The following EPB41L1 variants were observed in gnomAD, a reference collection of about 807,000 sequenced individuals.
EPB41L1 encodes erythrocyte membrane protein band 4.1 like 1, also known as band 4.1-like protein 1.
Under a neutral mutation model 97.8 loss-of-function variants are expected in EPB41L1, and 29 were observed. That is an observed-to-expected ratio of 0.30 (90% CI 0.22 to 0.40). EPB41L1 has a LOEUF of 0.40. Among genes scored for constraint, EPB41L1 ranks in the 10% least tolerant of loss-of-function variants. The probability of loss-of-function intolerance (pLI) is 1.00; values close to 1 mark genes in which losing one functional copy is unlikely to be tolerated. For missense variants in EPB41L1, 812 were observed against 1,162.3 expected, an observed-to-expected ratio of 0.70 and a Z score of 4.38; for synonymous variants, 383 against 459.2, an observed-to-expected ratio of 0.83 and a Z score of 2.12.
intron 17 of EPB41L1, 37 bp downstream of exon 17, chr20:36,214,477 C>T (rs1054327179): frequency 2.6e-6 from 4 of 1,531,480 alleles, no homozygotes; most frequent in Non-Finnish European, 2.7e-6. Flanking sequence ...CTCTGACCAG[C>T]CCCCTGCCCC....
chr20:36,141,478 A>AT (rs1324160990), intron 2 of EPB41L1, among the ~76,000 whole-genome samples: 1 of 152,150 alleles, frequency 6.6e-6, no homozygotes, highest in Non-Finnish European at 1.5e-5. Flanking sequence ...GATGGGCCCC[A>AT]TTAGTGAAAC....
At chr20:36,100,962 G>A (rs1278034795) in intron 1 of EPB41L1, among the ~76,000 whole-genome samples, 2 of 152,270 alleles carry the variant, frequency 1.3e-5, no homozygotes, top group Admixed American at 6.5e-5. Context: ...ACACTGCATC[G>A]GTATGGGGGG....
In EPB41L1 at chr20:36,206,323, G is replaced by T. The variant is rs2062803021; in HGVS notation, c.1669-3165G>T. On this transcript the variant is annotated intron_variant, in intron 14 of 21. Coordinates refer to ENST00000338074, the MANE Select transcript of EPB41L1 (RefSeq NM_012156.2). This position sits in a 1 kb window ranked among gnomAD's most constrained non-coding sequence, Gnocchi z 5.5. ...GCCTCACACTTGTGGGAGACCCACT[G>T]CTCCAGGGACCAGGCCAGCAGAGGT... 1 of 1,289,812 alleles carries T rather than the reference G, an allele frequency of 7.8e-7. No individual in the cohort carries two copies. 79.9% of individuals were successfully genotyped at this position (1,289,812 alleles called of 1,614,324 possible).
chr20:36,098,780 C>T (rs988254473), intron 1 of EPB41L1, among the ~76,000 whole-genome samples: 6 of 152,124 alleles, frequency 3.9e-5, no homozygotes, highest in African/African-American at 1.4e-4. Context: ...CTTTTAGTTC[C>T]ACAGGGCTAC....
At chr20:36,215,173 G>T (rs534984119) in intron 17 of EPB41L1, among the ~76,000 whole-genome samples, 1 of 152,070 alleles carries the variant, frequency 6.6e-6, no homozygotes, top group African/African-American at 2.4e-5. Context: ...CTGTGAGGTG[G>T]ATGCTCTTCC....
rs1362346324 is a variant in EPB41L1, at chr20:36,214,341, C to T, written c.2185-16C>T. 1.9e-6 allele frequency: 3 copies of T among 1,611,968 alleles called. No individual in the cohort carries two copies. In the South Asian group the frequency reaches 3.3e-5, roughly 18 times the overall value. ...ACCCAGCTCTCCCCAGCTCTAACGACTCCTCCTCTGGTCAGCAGGTTGATG... is the reference window on the plus strand; with the variant it reads ...ACCCAGCTCTCCCCAGCTCTAACGATTCCTCCTCTGGTCAGCAGGTTGATG... On this transcript the variant is annotated splice_polypyrimidine_tract_variant and intron_variant, in intron 16 of 21. Coordinates refer to ENST00000338074, the MANE Select transcript of EPB41L1 (RefSeq NM_012156.2).
chr20:36,180,031 C>T (rs1191855672), intron 5 of EPB41L1, among the ~76,000 whole-genome samples: 2 of 152,190 alleles, frequency 1.3e-5, no homozygotes, highest in Non-Finnish European at 2.9e-5. Context: ...GGTGGCTGGA[C>T]CAAATGGTCA....
chr20:36,106,537 G>A (rs2058197604), intron 1 of EPB41L1, among the ~76,000 whole-genome samples: 1 of 152,206 alleles, frequency 6.6e-6, no homozygotes, highest in Admixed American at 6.5e-5. Context: ...GTCAGTGAAG[G>A]ACACTGGGTA....
At position 36,092,541 on chromosome 20, in the gene EPB41L1, T is replaced by C. The variant is rs1371205420; in HGVS notation, c.-65+929T>C. On this transcript the variant is annotated intron_variant, in intron 1 of 19. Transcript: ENST00000202028. This position sits in a 1 kb window ranked among gnomAD's most constrained non-coding sequence, Gnocchi z 7.0. ...GGTGTTGGCTGCTCGCCGCCGCTGC[T>C]TGCTCGTTCGCCCGCCCGCTGCTGC... 1 of 151,566 alleles carries C rather than the reference T, an allele frequency of 6.6e-6. No homozygotes were observed. The highest frequency in any genetic ancestry group is 2.4e-5 in the African/African-American group (1 of 41,260). The allele number at this position is 151,566 out of a possible 1,614,324, so 9.4% of individuals were successfully genotyped here. A position where few individuals can be genotyped will look rare whatever the true frequency, so the allele number is the denominator to read the frequency against.
Position 36,190,831 on chromosome 20 carries a change from G to T in EPB41L1, c.1300+34G>T, listed in dbSNP as rs2061916209. 1.5e-5 allele frequency: 24 copies of T among 1,609,098 alleles called. No homozygotes were observed. The highest frequency in any genetic ancestry group is 1.9e-5 in the Non-Finnish European group (22 of 1,179,548). On this transcript the variant is annotated intron_variant, in intron 11 of 21. Coordinates refer to ENST00000338074, the MANE Select transcript of EPB41L1 (RefSeq NM_012156.2). This position sits in a 1 kb window ranked among gnomAD's most constrained non-coding sequence, Gnocchi z 5.8. The stretch of plus-strand genomic sequence containing the variant: ...CAAATTGGAGGGCTGGGCGGGGAAT[G>T]GTCTTCAGAGGGAACTGGGGGAGTG...
intron 18 of EPB41L1, among the ~76,000 whole-genome samples, chr20:36,219,263 C>G (rs2063631228): frequency 6.6e-6 from 1 of 152,176 alleles, no homozygotes; most frequent in Non-Finnish European, 1.5e-5. Flanking sequence ...TCCCTACTAA[C>G]CAGGAAGAGC....
intron 2 of EPB41L1, among the ~76,000 whole-genome samples, chr20:36,117,146 G>A (rs1043841128): frequency 6.6e-6 from 1 of 152,222 alleles, no homozygotes; most frequent in East Asian, 1.9e-4. Context: ...TCCTCCTGTG[G>A]CAGTGGCTCT....
intron 5 of EPB41L1, among the ~76,000 whole-genome samples, chr20:36,178,916 C>G (rs896222486): frequency 6.6e-6 from 1 of 151,796 alleles, no homozygotes; most frequent in Non-Finnish European, 1.5e-5. Flanking sequence ...CAAAAATTAG[C>G]TGGGCGTGGT....
chr20:36,188,641 C>CAGAGAG (rs112151910), intron 9 of EPB41L1, 142 bp downstream of exon 9: 2 of 273,814 alleles, frequency 7.3e-6, no homozygotes, highest in South Asian at 3.9e-5. Flanking sequence ...CACACACACA[C>CAGAGAG]AGAGAGAGAG....
Position 36,178,614 on chromosome 20 carries a change from CTA to C in EPB41L1, c.448-14_448-13del. 1.9e-6 allele frequency: 3 copies of C among 1,613,838 alleles called. No homozygotes were observed. Among genetic ancestry groups the C allele is most frequent in the Non-Finnish European group, 2.5e-6 (3 of 1,179,694 alleles). On this transcript the variant is annotated splice_polypyrimidine_tract_variant and intron_variant, in intron 4 of 21. Coordinates refer to ENST00000338074, the MANE Select transcript of EPB41L1 (RefSeq NM_012156.2). Reference sequence around the variant, plus strand: ...TCCTGCGTCTTCCCTCTGAAGATCTCTATCTTTTCTTTTAGAACTGGCTGGAC... The same window carrying C: ...TCCTGCGTCTTCCCTCTGAAGATCTCTCTTTTCTTTTAGAACTGGCTGGAC...
At position 36,103,005 on chromosome 20, in the gene EPB41L1, C is replaced by G. The variant is rs2058066130; in HGVS notation, c.-64-9421C>G. The stretch of plus-strand genomic sequence containing the variant: ...CCAAGAATGCCACCCCCTCCATTCC[C>G]CAATCACTGTTGAAATCCTGTCTGC... On this transcript the variant is annotated intron_variant, in intron 1 of 19. Transcript: ENST00000202028. Among the ~76,000 whole-genome samples, 2 of 152,210 alleles carry G rather than the reference C, an allele frequency of 1.3e-5. 1 individual carries two copies. Among genetic ancestry groups the G allele is most frequent in the South Asian group, 4.1e-4 (2 of 4,832 alleles).
At chr20:36,219,054 G>A in intron 18 of EPB41L1, 92 bp downstream of exon 18, 1 of 1,347,044 alleles carries the variant, frequency 7.4e-7, no homozygotes, top group South Asian at 1.2e-5. Flanking sequence ...GCAGCGTTGA[G>A]CCCAGAAGGC....
intron 4 of EPB41L1, 89 bp downstream of exon 4, chr20:36,178,145 A>G: frequency 4.2e-6 from 4 of 963,516 alleles, no homozygotes; most frequent in East Asian, 2.4e-5. Flanking sequence ...TTAGTGCTCA[A>G]ATCATTAAGC....
chr20:36,219,797 G>A lies in EPB41L1; in HGVS notation c.2392G>A (p.Ala798Thr), dbSNP rs768316823. Residue 798 changes from alanine (A) to threonine (T), a missense_variant, in exon 19 of 22, where the codon GCC becomes ACC. By Grantham distance (58) the Ala-to-Thr change is moderately conservative. Transcript: ENST00000338074. ...GKDVLTSTYG[A>T]TAETLSTSTT... ...AGATGTCCTCACCAGCACCTACGGC[G>A]CCACTGCGGAAACCCTCTCAACCTC... is the stretch of plus-strand genomic sequence containing the variant. The A allele has an allele frequency of 1.1e-5, 18 of 1,614,012 alleles. No individual in the cohort carries two copies. The highest frequency in any genetic ancestry group is 2.2e-5 in the East Asian group (1 of 44,890).
Sources: gnomAD v4.1 joint callset for allele counts (sites outside exome capture counted in the v4.1 genomes callset) on GRCh38, gnomAD v4.1.1 for gene constraint, Gnocchi (gnomAD v3.1) non-coding constraint, MANE v1.5 for transcripts, NCBI Gene and HGNC (gene_info 2026-07-23, HGNC 2026-07-21) for gene names.